Variants in CNNM1 observed in about 807,000 individuals in gnomAD.
CNNM1 encodes cyclin and CBS domain divalent metal cation transport mediator 1, also known as metal transporter CNNM1.
CNNM1 carries 44 observed loss-of-function variants against 78.8 expected under a neutral mutation model. That is an observed-to-expected ratio of 0.56 (90% confidence interval 0.44 to 0.72). The LOEUF is 0.72. Among genes scored for constraint, CNNM1 ranks in the 30% least tolerant of loss-of-function variants. CNNM1 has a pLI of 0.00. For missense variants in CNNM1, 1,101 were observed against 1,292.2 expected, an observed-to-expected ratio of 0.85 and a Z score of 2.27; for synonymous variants, 584 against 581.5, an observed-to-expected ratio of 1.00 and a Z score of -0.06.
intron 1 of CNNM1, among the ~76,000 whole-genome samples, chr10:99,344,150 T>C (rs2030579705): frequency 6.7e-6 from 1 of 149,658 alleles, no homozygotes; most frequent in Non-Finnish European, 1.5e-5. Context: ...CTGACCAACA[T>C]GGTGAAACCC....
intron 1 of CNNM1, among the ~76,000 whole-genome samples, chr10:99,352,835 C>T (rs2030995933): frequency 6.6e-6 from 1 of 151,636 alleles, no homozygotes; most frequent in Non-Finnish European, 1.5e-5. Context: ...GTACTTTGCA[C>T]AGATGTTTCT....
chr10:99,362,385 C>T lies in CNNM1; in HGVS notation c.2017C>T (p.Leu673=). ...CAACCGCCCTGTGGACTACTTTGTG[C>T]TGCTTCTACAGGTGAGTAGGAAAGT... The part of the protein sequence containing the change: ...QRNRPVDYFV[L]LLQGKVEVEV... Residue 673 remains leucine (L), a synonymous_variant, in exon 4 of 11, where the codon CTG becomes TTG. Coordinates refer to ENST00000356713, the MANE Select transcript of CNNM1 (RefSeq NM_020348.3). The T allele has an allele frequency of 1.2e-6, 2 of 1,612,576 alleles. No individual in the cohort carries two copies. The highest frequency in any genetic ancestry group is 1.7e-6 in the Non-Finnish European group (2 of 1,179,206).
At chr10:99,371,474 A>G (rs191714538) in intron 6 of CNNM1, among the ~76,000 whole-genome samples, 1 of 152,342 alleles carries the variant, frequency 6.6e-6, no homozygotes, top group Admixed American at 6.5e-5. Flanking sequence ...AATCCACAAA[A>G]GCACAGAGAC....
chr10:99,347,270 C>T (rs1479026078), intron 1 of CNNM1, among the ~76,000 whole-genome samples: 1 of 151,864 alleles, frequency 6.6e-6, no homozygotes, highest in Non-Finnish European at 1.5e-5. Flanking sequence ...CCTGTAATAC[C>T]AGCACTTTGG....
intron 1 of CNNM1, among the ~76,000 whole-genome samples, chr10:99,331,746 G>GT (rs2029927027): frequency 6.6e-6 from 1 of 152,102 alleles, no homozygotes; most frequent in African/African-American, 2.4e-5. Flanking sequence ...AAGTACTCAG[G>GT]TTGGGGGTTA....
chr10:99,354,025 G>C (rs2031040319), intron 1 of CNNM1, among the ~76,000 whole-genome samples: 1 of 152,090 alleles, frequency 6.6e-6, no homozygotes, highest in East Asian at 1.9e-4. Flanking sequence ...TAGTGGTAGG[G>C]AGTATGGCTG....
chr10:99,337,951 C>T (rs2030262763), intron 1 of CNNM1, among the ~76,000 whole-genome samples: 1 of 152,220 alleles, frequency 6.6e-6, no homozygotes, highest in Admixed American at 6.5e-5. Context: ...TATTGTTTCT[C>T]AGCTTCTTTA....
At chr10:99,366,197 A>G (rs779215789) in intron 6 of CNNM1, among the ~76,000 whole-genome samples, 1 of 152,170 alleles carries the variant, frequency 6.6e-6, no homozygotes, top group Non-Finnish European at 1.5e-5. Context: ...ACATTATTAT[A>G]CTTAAGACAA....
chr10:99,336,176 C>T (rs2030177422), intron 1 of CNNM1, among the ~76,000 whole-genome samples: 1 of 152,198 alleles, frequency 6.6e-6, no homozygotes, highest in African/African-American at 2.4e-5. Flanking sequence ...TACATTGGAG[C>T]TGGAAAATTC....
intron 6 of CNNM1, among the ~76,000 whole-genome samples, chr10:99,375,957 A>T (rs1479517298): frequency 6.6e-6 from 1 of 152,232 alleles, no homozygotes; most frequent in Non-Finnish European, 1.5e-5. Flanking sequence ...AGCTCACATA[A>T]AACCAAGTGA....
intron 7 of CNNM1, among the ~76,000 whole-genome samples, chr10:99,387,489 A>G (rs999144530): frequency 1.3e-5 from 2 of 152,164 alleles, no homozygotes; most frequent in Non-Finnish European, 2.9e-5. Context: ...GCCTTTGGCA[A>G]TAGTATAAAT....
intron 4 of CNNM1, among the ~76,000 whole-genome samples, chr10:99,363,590 T>C (rs1417202402): frequency 6.6e-6 from 1 of 152,086 alleles, no homozygotes; most frequent in Non-Finnish European, 1.5e-5. Context: ...AAAAATGGCA[T>C]AGGCTTCATG....
intron 1 of CNNM1, among the ~76,000 whole-genome samples, chr10:99,356,181 C>T (rs181085478): frequency 6.6e-6 from 1 of 151,944 alleles, no homozygotes; most frequent in African/African-American, 2.4e-5. Flanking sequence ...AGAGGCTGGG[C>T]GAGGTGGCTC....
At chr10:99,349,643 A>C (rs1229570890) in intron 1 of CNNM1, among the ~76,000 whole-genome samples, 1 of 152,208 alleles carries the variant, frequency 6.6e-6, no homozygotes, top group Non-Finnish European at 1.5e-5. Flanking sequence ...TTTGAGTAGC[A>C]CATGTCAAGA....
intron 6 of CNNM1, among the ~76,000 whole-genome samples, chr10:99,369,294 A>G (rs1405815155): frequency 6.6e-6 from 1 of 152,238 alleles, no homozygotes; most frequent in Non-Finnish European, 1.5e-5. Context: ...TGAATGATCA[A>G]CCGTTTGTTT....
chr10:99,360,295 G>A (rs1270174135), intron 2 of CNNM1, among the ~76,000 whole-genome samples: 1 of 152,202 alleles, frequency 6.6e-6, no homozygotes, highest in Non-Finnish European at 1.5e-5. Flanking sequence ...CACATAAGCA[G>A]CAGGAGACTA....
intron 1 of CNNM1, among the ~76,000 whole-genome samples, chr10:99,341,453 G>A (rs2030455168): frequency 6.6e-6 from 1 of 152,184 alleles, no homozygotes; most frequent in African/African-American, 2.4e-5. Flanking sequence ...AAAGAAGGAA[G>A]GGCCATGATG....
At chr10:99,364,634 A>C in intron 5 of CNNM1, 118 bp downstream of exon 5, 1 of 821,384 alleles carries the variant, frequency 1.2e-6, no homozygotes, top group Non-Finnish European at 1.9e-6. Context: ...AAGCCATTTA[A>C]CTTCCTTGGC....
chr10:99,351,584 A>T (rs962504880), intron 1 of CNNM1, among the ~76,000 whole-genome samples: 1 of 152,174 alleles, frequency 6.6e-6, no homozygotes, highest in Non-Finnish European at 1.5e-5. Flanking sequence ...TTTCTGAAAG[A>T]TGTGAACCAG....
Sources: gnomAD v4.1 joint callset for allele counts (sites outside exome capture counted in the v4.1 genomes callset) on GRCh38, gnomAD v4.1.1 for gene constraint, MANE v1.5 for transcripts, NCBI Gene and HGNC (gene_info 2026-07-23, HGNC 2026-07-21) for gene names.